The following ALX4 variants were observed in gnomAD, a reference collection of about 807,000 sequenced individuals.
The protein encoded by ALX4 is homeobox protein aristaless-like 4.
A neutral mutation model predicts 40.6 loss-of-function variants in ALX4; 22 were observed. The ratio of observed to expected loss-of-function variants is 0.54; its 90% CI spans 0.39 to 0.77. The LOEUF (loss-of-function observed/expected upper bound fraction) is 0.77. ALX4 is among the 30% of genes least tolerant of loss of function. The pLI is 0.00. For synonymous variants in ALX4, 266 were observed against 240.5 expected, an observed-to-expected ratio of 1.11 and a Z score of -0.98; for missense variants, 556 against 564.8, an observed-to-expected ratio of 0.98 and a Z score of 0.16.
chr11:44,295,059 C>T (rs1956395335), intron 1 of ALX4, among the ~76,000 whole-genome samples: 1 of 152,072 alleles, frequency 6.6e-6, no homozygotes, highest in African/African-American at 2.4e-5. Context: ...CTATGTTGGC[C>T]AGGCTGGTCT....
At chr11:44,300,219 C>T (rs1257580311) in intron 1 of ALX4, among the ~76,000 whole-genome samples, 1 of 152,162 alleles carries the variant, frequency 6.6e-6, no homozygotes, top group East Asian at 1.9e-4. Context: ...ATTCACCCCT[C>T]TTGGTGAATA....
rs562161803 is a variant in ALX4 at position 44,273,701 on chromosome 11, C to T, written c.777+1647G>A. Among the ~76,000 whole-genome samples, 3 of 152,118 alleles carry T rather than the reference C, an allele frequency of 2.0e-5. No individual in the cohort carries two copies. The South Asian group carries it at 6.2e-4, about 32-fold the overall frequency. ...GCACAGTGTCTCATGCCTATAATCCCAGCAGTATGGGAGGCTGAGGTGAGG... is the reference window on the plus strand; with the variant it reads ...GCACAGTGTCTCATGCCTATAATCCTAGCAGTATGGGAGGCTGAGGTGAGG... On this transcript the variant is annotated intron_variant, in intron 2 of 3. Transcript: ENST00000652299.
intron 2 of ALX4, among the ~76,000 whole-genome samples, chr11:44,274,608 G>C (rs1230608741): frequency 6.6e-6 from 1 of 152,064 alleles, no homozygotes; most frequent in Non-Finnish European, 1.5e-5. Flanking sequence ...GCTGGGTTGA[G>C]TTGAGTTCTA....
chr11:44,292,511 GC>G (rs1453779688), intron 1 of ALX4, among the ~76,000 whole-genome samples: 8 of 151,270 alleles, frequency 5.3e-5, no homozygotes, highest in Non-Finnish European at 1.2e-4. Flanking sequence ...GAGCCACCAT[GC>G]CCAGTCCTAG....
At chr11:44,301,838 A>T (rs1956436387) in intron 1 of ALX4, among the ~76,000 whole-genome samples, 1 of 152,210 alleles carries the variant, frequency 6.6e-6, no homozygotes, top group African/African-American at 2.4e-5. Flanking sequence ...GGGCACAGAC[A>T]GTGCCAAGGA....
At chr11:44,307,287 G>A (rs1052030821) in intron 1 of ALX4, among the ~76,000 whole-genome samples, 2 of 152,208 alleles carry the variant, frequency 1.3e-5, no homozygotes, top group African/African-American at 4.8e-5. Context: ...TGAGGAAACC[G>A]GGGTTTGGGA....
intron 1 of ALX4, among the ~76,000 whole-genome samples, chr11:44,291,406 C>A (rs1956368077): frequency 1.2e-5 from 1 of 82,308 alleles, no homozygotes; most frequent in Non-Finnish European, 2.8e-5. Flanking sequence ...GAATTTCTTT[C>A]TTTCTTTCTT....
intron 2 of ALX4, among the ~76,000 whole-genome samples, chr11:44,269,040 C>T (rs1956229876): frequency 6.6e-6 from 1 of 152,250 alleles, no homozygotes; most frequent in Admixed American, 6.5e-5. Context: ...TCCATCACGA[C>T]CAATGCAGCT....
rs774043649 is a variant in ALX4, at chr11:44,264,909, G to A, written c.1181C>T (p.Ala394Val). Residue 394 changes from alanine to valine, a missense_variant, in exon 4 of 4, where the codon GCG becomes GTG. Physicochemically the swap from Ala to Val is moderately conservative, Grantham distance 64 (BLOSUM62 0). Coordinates refer to ENST00000652299, the MANE Select transcript of ALX4 (RefSeq NM_021926.4). Reference protein sequence around the residue: ...GEPDRKTSSIAALRMKAKEHS... With the variant: ...GEPDRKTSSIVALRMKAKEHS... Reference sequence around the variant, plus strand: ...CTCCTTGGCCTTCATGCGGAGGGCCGCGATGCTCGAGGTCTTGCGGTCCGG... The same window carrying A: ...CTCCTTGGCCTTCATGCGGAGGGCCACGATGCTCGAGGTCTTGCGGTCCGG... 27 of 1,612,976 alleles carry A rather than the reference G, an allele frequency of 1.7e-5. No individual in the cohort carries two copies. The highest frequency in any genetic ancestry group is 1.9e-5 in the Non-Finnish European group (23 of 1,179,944).
intron 1 of ALX4, among the ~76,000 whole-genome samples, chr11:44,301,116 A>G (rs1217062675): frequency 6.6e-6 from 1 of 152,260 alleles, no homozygotes; most frequent in Non-Finnish European, 1.5e-5. Context: ...GGCTTGGCAT[A>G]GTGACAGGCA....
chr11:44,288,886 A>G (rs1470620684), intron 1 of ALX4, among the ~76,000 whole-genome samples: 1 of 152,126 alleles, frequency 6.6e-6, no homozygotes, highest in African/African-American at 2.4e-5. Flanking sequence ...AGAACCCTAA[A>G]CTTTGTCCAG....
intron 2 of ALX4, among the ~76,000 whole-genome samples, chr11:44,273,925 G>A (rs925474446): frequency 6.6e-6 from 1 of 152,048 alleles, no homozygotes; most frequent in Non-Finnish European, 1.5e-5. Context: ...TGTACTCCAC[G>A]CTGGGTGACA....
At position 44,264,803 on chromosome 11, in the gene ALX4, A is replaced by C; in HGVS notation, c.*51T>G. On this transcript the variant is annotated 3_prime_UTR_variant, in exon 4 of 4. Coordinates refer to ENST00000652299, the MANE Select transcript of ALX4 (RefSeq NM_021926.4). ...GTGGGAGGCTGGGGGCCTGGAAAACATGGGCGTGGCCCATGGTGTCCCGAG... is the reference window on the plus strand; with the variant it reads ...GTGGGAGGCTGGGGGCCTGGAAAACCTGGGCGTGGCCCATGGTGTCCCGAG... 6.3e-7 allele frequency: 1 copy of C among 1,598,296 alleles called. No individual in the cohort carries two copies. Among genetic ancestry groups the C allele is most frequent in the African/African-American group, 1.3e-5 (1 of 74,764 alleles).
chr11:44,274,399 GGTTGA>G (rs1313750713), intron 2 of ALX4, among the ~76,000 whole-genome samples: 1 of 150,834 alleles, frequency 6.6e-6, no homozygotes. Flanking sequence ...TGTTGTGTTG[GGTTGA>G]GTTGAGTTCT....
In ALX4 at chr11:44,297,948, C is replaced by T. The variant is rs116223710; in HGVS notation, c.466+11649G>A. ...AACTTTCAAGGTCCACTTCGAATGT[C>T]CATGCTCAGGAAGCCCCAATCCATT... On this transcript the variant is annotated intron_variant, in intron 1 of 3. Transcript: ENST00000652299. Among the ~76,000 whole-genome samples, 1,055 of 152,258 alleles carry T rather than the reference C, an allele frequency of 6.9e-3. 10 individuals carry two copies. Among genetic ancestry groups the T allele is most frequent in the African/African-American group, 0.024 (997 of 41,530 alleles).
chr11:44,309,263 C>T (rs1340474226), intron 1 of ALX4, among the ~76,000 whole-genome samples: 4 of 152,022 alleles, frequency 2.6e-5, no homozygotes, highest in Non-Finnish European at 5.9e-5. Context: ...TCCTTGCCGC[C>T]GCACGCCCTG....
chr11:44,309,575 G>A, intron 1 of ALX4, 22 bp downstream of exon 1: 2 of 1,562,944 alleles, frequency 1.3e-6, no homozygotes, highest in Non-Finnish European at 1.7e-6. Context: ...CCCAGCACCA[G>A]GTGACCCGCA....
intron 1 of ALX4, among the ~76,000 whole-genome samples, chr11:44,307,850 ATGTGTGGAGCTGTGTGTGTCCG>A (rs1565012474): frequency 2.8e-5 from 4 of 145,130 alleles, no homozygotes; most frequent in Non-Finnish European, 6.1e-5. Flanking sequence ...GTGTGTGTCC[ATGTGTGGAGCTGTGTGTGTCCG>A]TGTGTGGAGC....
chr11:44,293,921 C>A (rs940807491), intron 1 of ALX4, among the ~76,000 whole-genome samples: 1 of 152,166 alleles, frequency 6.6e-6, no homozygotes. Flanking sequence ...TCTGGGCGGT[C>A]AGGGGACATG....
Sources: gnomAD v4.1 joint callset for allele counts (sites outside exome capture counted in the v4.1 genomes callset) on GRCh38, gnomAD v4.1.1 for gene constraint, MANE v1.5 for transcripts, NCBI Gene and HGNC (gene_info 2026-07-23, HGNC 2026-07-21) for gene names.